Variants in TUSC3 observed in about 807,000 individuals in gnomAD.
TUSC3 encodes the protein dolichyl-diphosphooligosaccharide--protein glycosyltransferase subunit TUSC3.
In TUSC3, 45 loss-of-function variants were observed where a neutral mutation model predicts 44.8. The ratio of observed to expected loss-of-function variants is 1.00; its 90% CI spans 0.79 to 1.29. The LOEUF (loss-of-function observed/expected upper bound fraction) is 1.29, where lower values mean the gene tolerates loss of function less well. TUSC3 is among the 50% of genes most tolerant of loss of function. The probability of loss-of-function intolerance (pLI) is 0.00; values close to 1 mark genes in which losing one functional copy is unlikely to be tolerated. For missense variants in TUSC3, 519 were observed against 437.9 expected (o/e 1.19, Z -1.65); for synonymous variants, 212 against 152.9 (o/e 1.39, Z -2.85).
At chr8:15,535,249 T>C (rs1190102296), upstream of TUSC3, among the ~76,000 whole-genome samples, 1 of 152,200 alleles carries the variant, frequency 6.6e-6, no homozygotes, top group Non-Finnish European at 1.5e-5. Flanking sequence ...TGCACTCCAG[T>C]TTGAAGGCTT....
the TUSC3 span, among the ~76,000 whole-genome samples, chr8:15,776,942 AAT>A: frequency 6.6e-6 from 1 of 152,180 alleles, no homozygotes; most frequent in Non-Finnish European, 1.5e-5. Flanking sequence ...TCAAAAAAAA[AAT>A]AATTTAACTT....
chr8:15,539,883 T>C (rs1801613988), upstream of TUSC3, among the ~76,000 whole-genome samples: 1 of 151,936 alleles, frequency 6.6e-6, no homozygotes, highest in South Asian at 2.1e-4. Context: ...AGTTAGATGG[T>C]TTCCCAGGGC....
At chr8:15,646,117 C>T (rs1304768366) in intron 2 of TUSC3, among the ~76,000 whole-genome samples, 1 of 152,086 alleles carries the variant, frequency 6.6e-6, no homozygotes, top group Non-Finnish European at 1.5e-5. Context: ...ATTTCTGTTT[C>T]AGACATTTCC....
At chr8:15,819,088 A>T in the TUSC3 span, among the ~76,000 whole-genome samples, 2,037 of 152,160 alleles carry the variant, frequency 0.013, 106 homozygotes, top group Admixed American at 0.099. Flanking sequence ...TTTTATCTGG[A>T]GAAAATTCAC....
intron 1 of TUSC3, among the ~76,000 whole-genome samples, chr8:15,612,488 T>C (rs186524431): frequency 2.0e-5 from 3 of 152,326 alleles, no homozygotes; most frequent in East Asian, 3.9e-4. Flanking sequence ...TTGGTTATTG[T>C]AGTAAAATGT....
chr8:15,651,905 A>G (rs991453725), intron 3 of TUSC3, among the ~76,000 whole-genome samples: 3 of 152,174 alleles, frequency 2.0e-5, no homozygotes, highest in Admixed American at 2.0e-4. Context: ...GCACTGTTCA[A>G]CTTATGTATT....
intron 1 of TUSC3, among the ~76,000 whole-genome samples, chr8:15,575,679 A>G (rs1259432628): frequency 5.9e-5 from 9 of 152,144 alleles, no homozygotes; most frequent in Non-Finnish European, 1.0e-4. Flanking sequence ...AGGCAGGAGA[A>G]TCACTTGAAC....
intron 2 of TUSC3, among the ~76,000 whole-genome samples, chr8:15,631,671 TG>T (rs1187466543): frequency 5.9e-5 from 1 of 16,956 alleles, no homozygotes; most frequent in South Asian, 2.6e-3. Context: ...AAGGCTGTTG[TG>T]TGTGTGTGTG....
At chr8:15,649,583 C>G (rs1450546848) in intron 2 of TUSC3, among the ~76,000 whole-genome samples, 1 of 116,440 alleles carries the variant, frequency 8.6e-6, no homozygotes, top group East Asian at 2.8e-4. Context: ...GACTCCGTCT[C>G]AAAAGAAAAA....
the TUSC3 span, among the ~76,000 whole-genome samples, chr8:15,825,191 G>A: frequency 5.9e-5 from 9 of 152,212 alleles, no homozygotes; most frequent in Admixed American, 5.2e-4. Context: ...CATTTATTAA[G>A]TACCTACTAT....
rs1585793765 is a variant in TUSC3 at position 15,448,123 on chromosome 8, A to ATATATATATATATATATATATATATATG, written n.91+30819_91+30820insATATATATATATATATATATATATATGT. ...AGTGTATATACATATATATATATTTATTTATTTATTTTTTAGATGGAGTCT... is the reference window on the plus strand; with the variant it reads ...AGTGTATATACATATATATATATTTATATATATATATATATATATATATATATGTTTATTTATTTTTTAGATGGAGTCT... On this transcript the variant is annotated intron_variant and non_coding_transcript_variant, in intron 1 of 5. Coordinates refer to the TUSC3 transcript ENST00000503191. 5.7e-5 allele frequency among the ~76,000 whole-genome samples: 8 copies of ATATATATATATATATATATATATATATG among 139,236 alleles called. No homozygotes were observed. In the East Asian group the frequency reaches 1.6e-3, roughly 28 times the overall value. The allele number at this position is 139,236 out of a possible 152,430, so 91.3% of individuals were successfully genotyped here.
chr8:15,659,064 G>A (rs903835768), intron 3 of TUSC3, among the ~76,000 whole-genome samples: 1 of 151,970 alleles, frequency 6.6e-6, no homozygotes, highest in African/African-American at 2.4e-5. Context: ...CTTATAACTT[G>A]TTGGAAATTA....
intron 1 of TUSC3, among the ~76,000 whole-genome samples, chr8:15,459,863 TGTGTGTGTGTGTATAC>T (rs1308771943): frequency 1.4e-5 from 2 of 147,760 alleles, no homozygotes; most frequent in African/African-American, 5.3e-5. Flanking sequence ...TGTATGTGTG[TGTGTGTGTGTGTATAC>T]ATACATACAT....
intron 1 of TUSC3, among the ~76,000 whole-genome samples, chr8:15,617,889 C>G (rs1246667421): frequency 1.3e-5 from 2 of 152,108 alleles, no homozygotes; most frequent in Non-Finnish European, 2.9e-5. Flanking sequence ...AGTATGCTCA[C>G]CGAAACCTAG....
chr8:15,452,881 A>G (rs1042454137), intron 1 of TUSC3, among the ~76,000 whole-genome samples: 21 of 152,070 alleles, frequency 1.4e-4, no homozygotes, highest in African/African-American at 4.8e-4. Context: ...CTTGCAATAT[A>G]ATTTCATACT....
At chr8:15,677,613 A>G (rs1460946171) in intron 6 of TUSC3, among the ~76,000 whole-genome samples, 2 of 152,206 alleles carry the variant, frequency 1.3e-5, no homozygotes, top group Non-Finnish European at 2.9e-5. Context: ...CTGATAATAA[A>G]TACAGGGCTG....
chr8:15,685,542 T>C (rs1301952194), intron 6 of TUSC3, among the ~76,000 whole-genome samples: 2 of 152,218 alleles, frequency 1.3e-5, no homozygotes, highest in Non-Finnish European at 2.9e-5. Flanking sequence ...AGAAAGTTTA[T>C]TATTGATGCT....
intron 6 of TUSC3, among the ~76,000 whole-genome samples, chr8:15,688,701 T>G (rs2129188617): frequency 6.6e-6 from 1 of 152,252 alleles, no homozygotes; most frequent in Middle Eastern, 3.4e-3. Flanking sequence ...TTAGGAGATT[T>G]CCCTCCCTTC....
chr8:15,804,130 C>A, the TUSC3 span, among the ~76,000 whole-genome samples: 1 of 152,160 alleles, frequency 6.6e-6, no homozygotes, highest in Non-Finnish European at 1.5e-5. Flanking sequence ...ACCAGACTAT[C>A]TTCCACAACG....
Sources: allele counts gnomAD v4.1 joint callset (sites outside exome capture counted in the v4.1 genomes callset), GRCh38; gene constraint gnomAD v4.1.1; transcripts MANE v1.5; gene names NCBI Gene and HGNC (gene_info 2026-07-23, HGNC 2026-07-21).